The following LARGE1 variants were observed in gnomAD, a reference collection of about 807,000 sequenced individuals.
LARGE1 encodes the protein LARGE xylosyl- and glucuronyltransferase 1.
A neutral mutation model predicts 87.6 loss-of-function variants in LARGE1; 43 were observed. The observed-to-expected ratio is 0.49, with a 90% confidence interval of 0.38 to 0.63. LARGE1 has a LOEUF of 0.63. LARGE1 is among the 30% of genes least tolerant of loss of function. The probability of loss-of-function intolerance (pLI) is 0.00; values close to 1 mark genes in which losing one functional copy is unlikely to be tolerated. For missense variants in LARGE1, 802 were observed against 1,000.2 expected (o/e 0.80, Z 2.67); for synonymous variants, 434 against 394.6 (o/e 1.10, Z -1.18).
intron 2 of LARGE1, among the ~76,000 whole-genome samples, chr22:33,717,386 A>C (rs149844897): frequency 1.1e-4 from 17 of 152,302 alleles, no homozygotes; most frequent in African/African-American, 4.1e-4. Flanking sequence ...GTATTTTGTG[A>C]ATCTGCTCTC....
At chr22:33,586,411 G>A (rs1167701688) in intron 5 of LARGE1, among the ~76,000 whole-genome samples, 3 of 151,406 alleles carry the variant, frequency 2.0e-5, no homozygotes, top group Non-Finnish European at 2.9e-5. Flanking sequence ...CCTTACACCT[G>A]TGAATACGCC....
At position 33,868,869 on chromosome 22, in the gene LARGE1, G is replaced by A. The variant is rs1198238814; in HGVS notation, c.-83+51126C>T. 5.3e-5 allele frequency among the ~76,000 whole-genome samples: 8 copies of A among 152,254 alleles called. No individual in the cohort carries two copies. In the South Asian group the frequency reaches 1.5e-3, roughly 28 times the overall value. Reference sequence around the variant, plus strand: ...AGGGGCTCAAAACTAAATGGAAAGGGGGTTGCAAGGTACACGGATTCACGG... The same window carrying A: ...AGGGGCTCAAAACTAAATGGAAAGGAGGTTGCAAGGTACACGGATTCACGG... On this transcript the variant is annotated intron_variant, in intron 1 of 14. Coordinates refer to ENST00000397394, the MANE Select transcript of LARGE1 (RefSeq NM_133642.5).
At chr22:33,747,034 T>C (rs574557472) in intron 2 of LARGE1, among the ~76,000 whole-genome samples, 1 of 152,292 alleles carries the variant, frequency 6.6e-6, no homozygotes, top group Admixed American at 6.5e-5. Context: ...CGGGGTGGAC[T>C]GGAAGTCTAT....
chr22:33,348,679 T>C (rs1011163870), intron 9 of LARGE1, among the ~76,000 whole-genome samples: 2 of 151,246 alleles, frequency 1.3e-5, no homozygotes, highest in African/African-American at 2.4e-5. Context: ...GAGGCCCTGA[T>C]AGAACAAAAA....
chr22:33,285,938 G>C (rs551184120), intron 12 of LARGE1, among the ~76,000 whole-genome samples: 18 of 152,328 alleles, frequency 1.2e-4, no homozygotes, highest in Admixed American at 8.5e-4. Context: ...GCTCCCAGTA[G>C]AGAGGGGGTG....
intron 2 of LARGE1, among the ~76,000 whole-genome samples, chr22:33,689,893 C>T (rs2082048935): frequency 6.6e-6 from 1 of 151,788 alleles, no homozygotes; most frequent in Non-Finnish European, 1.5e-5. Flanking sequence ...TGCCATTGCA[C>T]TCCAGCCTGG....
intron 2 of LARGE1, among the ~76,000 whole-genome samples, chr22:33,737,159 C>T (rs1312178896): frequency 6.6e-6 from 1 of 152,108 alleles, no homozygotes; most frequent in African/African-American, 2.4e-5. Flanking sequence ...CTTATTTGTC[C>T]CATAACTGTT....
chr22:33,446,073 C>T (rs1481275059), intron 6 of LARGE1, among the ~76,000 whole-genome samples: 1 of 152,242 alleles, frequency 6.6e-6, no homozygotes, highest in Non-Finnish European at 1.5e-5. Flanking sequence ...AGGGAGGCGG[C>T]AGTGGCTGGA....
At chr22:33,823,862 T>C (rs1483277156) in intron 1 of LARGE1, among the ~76,000 whole-genome samples, 2 of 152,194 alleles carry the variant, frequency 1.3e-5, no homozygotes, top group Non-Finnish European at 1.5e-5. Flanking sequence ...CACGTCTCGA[T>C]ACAGGGCTTC....
At chr22:33,540,017 T>C (rs1270654268) in intron 6 of LARGE1, among the ~76,000 whole-genome samples, 3 of 152,164 alleles carry the variant, frequency 2.0e-5, no homozygotes, top group African/African-American at 7.2e-5. Context: ...TCTGCACCAC[T>C]GGCAGTGGCC....
chr22:33,674,481 T>C (rs763682026), intron 2 of LARGE1, among the ~76,000 whole-genome samples: 1 of 152,216 alleles, frequency 6.6e-6, no homozygotes, highest in Non-Finnish European at 1.5e-5. Context: ...CAGCCCTCCA[T>C]GCAGCTTTAG....
chr22:33,725,953 G>A (rs2083258990), intron 2 of LARGE1, among the ~76,000 whole-genome samples: 1 of 152,136 alleles, frequency 6.6e-6, no homozygotes, highest in African/African-American at 2.4e-5. Flanking sequence ...TCAGGGGAGA[G>A]ATGCTGCTGG....
rs2070930461 is a variant in LARGE1, at chr22:33,509,306, C to G, written c.787+55542G>C. ...CATCAATACTCTCCTTCAACCTGAT[C>G]CAAGACCCTCTCCCCATCTCATCTG... is the stretch of plus-strand genomic sequence containing the variant. On this transcript the variant is annotated intron_variant, in intron 6 of 14. Transcript: ENST00000397394. Among the ~76,000 whole-genome samples, 2 of 152,132 alleles carry G rather than the reference C, an allele frequency of 1.3e-5. 1 individual carries two copies. Among genetic ancestry groups the G allele is most frequent in the East Asian group, 3.9e-4 (2 of 5,182 alleles).
Position 33,675,691 on chromosome 22 carries a change from A to G in LARGE1, c.107-25023T>C, listed in dbSNP as rs148043982. Among the ~76,000 whole-genome samples the G allele has an allele frequency of 3.3e-5, 5 of 152,262 alleles. No individual in the cohort carries two copies. The East Asian group carries it at 9.7e-4, about 29-fold the overall frequency. ...TATTATACCTGGTACCACAATTTTG[A>G]GTCACCTGCCAAAGGAATTGTCTCT... On this transcript the variant is annotated intron_variant, in intron 2 of 14. Coordinates refer to ENST00000397394, the MANE Select transcript of LARGE1 (RefSeq NM_133642.5).
At chr22:33,837,255 T>TACAC (rs1479225932) in intron 1 of LARGE1, among the ~76,000 whole-genome samples, 1 of 84,522 alleles carries the variant, frequency 1.2e-5, no homozygotes, top group African/African-American at 4.7e-5. Context: ...GAGTATTACA[T>TACAC]ATACACACAC....
chr22:33,910,609 C>T (rs886957902), intron 1 of LARGE1, among the ~76,000 whole-genome samples: 2 of 152,170 alleles, frequency 1.3e-5, no homozygotes, highest in Non-Finnish European at 2.9e-5. Flanking sequence ...TAACTCTGCA[C>T]CTCTGTGTTC....
chr22:33,603,059 G>A (rs1183364659), intron 5 of LARGE1, among the ~76,000 whole-genome samples: 1 of 21,278 alleles, frequency 4.7e-5, no homozygotes, highest in Non-Finnish European at 8.5e-5. Context: ...CTTTTTAAGA[G>A]TGTTAATCAA....
chr22:33,095,162 C>T, the LARGE1 span, among the ~76,000 whole-genome samples: 1 of 152,204 alleles, frequency 6.6e-6, no homozygotes, highest in Non-Finnish European at 1.5e-5. Context: ...TAACAAATTA[C>T]CACAAAGTGG....
chr22:33,895,454 G>A (rs2065114987), intron 1 of LARGE1, among the ~76,000 whole-genome samples: 1 of 152,128 alleles, frequency 6.6e-6, no homozygotes, highest in South Asian at 2.1e-4. Context: ...TGTGAGCCTG[G>A]GCATGGCTTA....
Sources: gnomAD v4.1 joint callset for allele counts (sites outside exome capture counted in the v4.1 genomes callset) on GRCh38, gnomAD v4.1.1 for gene constraint, MANE v1.5 for transcripts, NCBI Gene and HGNC (gene_info 2026-07-23, HGNC 2026-07-21) for gene names.